The following TRPM8 variants were observed in gnomAD, a reference collection of about 807,000 sequenced individuals.
TRPM8 encodes transient receptor potential cation channel subfamily M member 8.
A neutral mutation model predicts 133.7 loss-of-function variants in TRPM8; 110 were observed. The ratio of observed to expected loss-of-function variants is 0.82; its 90% confidence interval spans 0.70 to 0.96. TRPM8 has a LOEUF of 0.96. Among genes scored for constraint, TRPM8 ranks in the 40% least tolerant of loss-of-function variants. The pLI, the probability that TRPM8 is intolerant of heterozygous loss-of-function variation, is 0.00. For missense variants in TRPM8, 1,291 were observed against 1,379.5 expected (o/e 0.94, Z 1.02); for synonymous variants, 535 against 532.3 (o/e 1.01, Z -0.07).
At chr2:233,983,005 C>A in intron 19 of TRPM8, 48 bp from the exon 20 acceptor site, 1 of 1,580,278 alleles carries the variant, frequency 6.3e-7, no homozygotes, top group South Asian at 1.2e-5. Context: ...GGGGACTTGC[C>A]AACTGTGGGC....
chr2:233,973,285 T>C (rs1417332098), intron 17 of TRPM8, among the ~76,000 whole-genome samples: 1 of 152,200 alleles, frequency 6.6e-6, no homozygotes, highest in African/African-American at 2.4e-5. Flanking sequence ...CAGAAGTTCA[T>C]TGCCTTATGG....
At chr2:233,928,997 CTT>C (rs750819533) in intron 2 of TRPM8, among the ~76,000 whole-genome samples, 1 of 117,788 alleles carries the variant, frequency 8.5e-6, no homozygotes. Flanking sequence ...AGTTTCTTTT[CTT>C]TTTTTTTTTA....
chr2:233,960,852 A>T lies in TRPM8; in HGVS notation c.1439A>T (p.Asn480Ile). The change falls in exon 12 of 26, where the codon AAT becomes ATT. Residue 480 changes from asparagine (N) to isoleucine (I), a missense_variant. Asn to Ile is a moderately radical substitution (Grantham distance 149). Coordinates refer to ENST00000324695, the MANE Select transcript of TRPM8 (RefSeq NM_024080.5). ...AAGTTTGTCCGCCTCTTTCTGGAGA[A>T]TGGCTTGAACCTACGGAAGTTTCTC... The part of the protein sequence containing the change: ...RPKFVRLFLE[N>I]GLNLRKFLTH... 1.9e-6 allele frequency: 3 copies of T among 1,614,172 alleles called. No individual in the cohort carries two copies. The highest frequency in any genetic ancestry group is 2.5e-6 in the Non-Finnish European group (3 of 1,180,028).
At chr2:233,992,021 A>G (rs1047404382) in intron 21 of TRPM8, among the ~76,000 whole-genome samples, 2 of 152,184 alleles carry the variant, frequency 1.3e-5, no homozygotes, top group Non-Finnish European at 2.9e-5. Flanking sequence ...ATTTCCCAGT[A>G]AAGTTTTATG....
In TRPM8 at chr2:233,970,208, A is replaced by G; in HGVS notation, c.2139-2A>G. ...TGACGATGCCCTTATCTCTGGGTCCAGGAAGAAACCTGTCGACAAGCACAA... is the reference window on the plus strand; with the variant it reads ...TGACGATGCCCTTATCTCTGGGTCCGGGAAGAAACCTGTCGACAAGCACAA... On this transcript the variant is annotated splice_acceptor_variant, in intron 16 of 25. Coordinates refer to ENST00000324695, the MANE Select transcript of TRPM8 (RefSeq NM_024080.5). LOFTEE classifies it high-confidence loss of function. The G allele has an allele frequency of 1.2e-6, 2 of 1,614,104 alleles. No individual in the cohort carries two copies. Among genetic ancestry groups the G allele is most frequent in the Non-Finnish European group, 1.7e-6 (2 of 1,179,962 alleles).
chr2:233,959,325 C>CTTTTT (rs778556639), intron 11 of TRPM8, among the ~76,000 whole-genome samples: 9 of 106,300 alleles, frequency 8.5e-5, no homozygotes, highest in African/African-American at 1.3e-4. Flanking sequence ...CTCGCCCAGC[C>CTTTTT]TTTTTTTTTT....
chr2:233,958,257 C>T (rs995153458), intron 11 of TRPM8, among the ~76,000 whole-genome samples: 2 of 152,184 alleles, frequency 1.3e-5, no homozygotes, highest in African/African-American at 4.8e-5. Flanking sequence ...TTCATCCTCG[C>T]AACCATCTAT....
chr2:233,996,641 C>G, intron 22 of TRPM8, 125 bp downstream of exon 22: 1 of 904,614 alleles, frequency 1.1e-6, no homozygotes, highest in Non-Finnish European at 1.7e-6. Flanking sequence ...ATCTGTACAT[C>G]TGTAAAGATC....
intron 5 of TRPM8, among the ~76,000 whole-genome samples, chr2:233,941,634 T>A (rs1198123821): frequency 6.6e-6 from 1 of 152,168 alleles, no homozygotes; most frequent in East Asian, 1.9e-4. Context: ...GAGGGTAGAT[T>A]CCTACATGGG....
Position 233,960,955 on chromosome 2 carries a change from T to C in TRPM8, c.1542T>C (p.Asn514=), listed in dbSNP as rs1691421249. The change falls in exon 12 of 26, where the codon AAT becomes AAC. Residue 514 remains asparagine (N), a synonymous_variant. Coordinates refer to ENST00000324695, the MANE Select transcript of TRPM8 (RefSeq NM_024080.5). ...LVYRNLQIAK[N]SYNDALLTFV... ...ACCGGAATCTGCAGATCGCCAAGAA[T>C]TCCTATAATGATGCCCTCCTCACGT... 2 of 1,614,014 alleles carry C rather than the reference T, an allele frequency of 1.2e-6. No individual in the cohort carries two copies. Among genetic ancestry groups the C allele is most frequent in the Non-Finnish European group, 1.7e-6 (2 of 1,180,040 alleles).
chr2:233,964,154 A>T (rs958181893), intron 13 of TRPM8, among the ~76,000 whole-genome samples: 1 of 152,158 alleles, frequency 6.6e-6, no homozygotes, highest in Admixed American at 6.5e-5. Flanking sequence ...CGTGTTGACC[A>T]TATTCTCTAA....
intron 11 of TRPM8, among the ~76,000 whole-genome samples, chr2:233,956,413 G>A (rs973348471): frequency 3.3e-5 from 5 of 152,190 alleles, no homozygotes; most frequent in East Asian, 1.9e-4. Flanking sequence ...GTATCCTCCC[G>A]TGTACAACTA....
intron 21 of TRPM8, among the ~76,000 whole-genome samples, chr2:233,987,301 G>A (rs115140625): frequency 0.011 from 1,738 of 152,238 alleles, 41 homozygotes; most frequent in African/African-American, 0.04. Flanking sequence ...TAATTTTATG[G>A]CATAATATTG....
intron 17 of TRPM8, among the ~76,000 whole-genome samples, chr2:233,970,923 G>C (rs1473044522): frequency 6.6e-6 from 1 of 152,170 alleles, no homozygotes; most frequent in African/African-American, 2.4e-5. Flanking sequence ...AGTTTCTTGG[G>C]ACCTTCATTT....
chr2:233,917,988 T>G (rs538985781), intron 1 of TRPM8, among the ~76,000 whole-genome samples: 1 of 152,334 alleles, frequency 6.6e-6, no homozygotes, highest in African/African-American at 2.4e-5. Flanking sequence ...AGGCTCATCA[T>G]TTGTATTATT....
chr2:233,936,293 G>C (rs1009303381), intron 3 of TRPM8, among the ~76,000 whole-genome samples: 1 of 152,204 alleles, frequency 6.6e-6, no homozygotes, highest in Non-Finnish European at 1.5e-5. Context: ...GTCAGTATCT[G>C]TTGAATGAAG....
chr2:233,930,396 C>G (rs754041404), intron 2 of TRPM8, among the ~76,000 whole-genome samples: 4 of 152,102 alleles, frequency 2.6e-5, no homozygotes, highest in Non-Finnish European at 4.4e-5. Flanking sequence ...GGTGGAAAAA[C>G]ATAATTTGTA....
intron 22 of TRPM8, among the ~76,000 whole-genome samples, chr2:234,004,018 G>A (rs892289319): frequency 1.3e-5 from 2 of 152,074 alleles, no homozygotes; most frequent in African/African-American, 4.8e-5. Context: ...AGCACAATAT[G>A]ACTATAAAAT....
chr2:233,993,416 C>T (rs770040738), intron 21 of TRPM8, among the ~76,000 whole-genome samples: 3 of 152,214 alleles, frequency 2.0e-5, no homozygotes, highest in Non-Finnish European at 4.4e-5. Flanking sequence ...CACTGGCCTA[C>T]GTGCACTGTA....
Sources: allele counts gnomAD v4.1 joint callset (sites outside exome capture counted in the v4.1 genomes callset), GRCh38; gene constraint gnomAD v4.1.1; transcripts MANE v1.5; gene names NCBI Gene and HGNC (gene_info 2026-07-23, HGNC 2026-07-21).